RGS7: variants seen among roughly 807,000 people sequenced by gnomAD.
RGS7 encodes regulator of G-protein signaling 7.
A neutral mutation model predicts 81.1 loss-of-function variants in RGS7; 27 were observed. The ratio of observed to expected loss-of-function variants is 0.33; its 90% confidence interval spans 0.25 to 0.46. The LOEUF is 0.46. Ranked by LOEUF, RGS7 falls within the 20% of genes least tolerant of loss-of-function variation. RGS7 has a pLI of 1.00. For missense variants in RGS7, 396 were observed against 607.4 expected (o/e 0.65, Z 3.66); for synonymous variants, 208 against 207.7 (o/e 1.00, Z -0.01).
At chr1:240,942,254 A>G (rs1677716119) in intron 4 of RGS7, among the ~76,000 whole-genome samples, 1 of 152,204 alleles carries the variant, frequency 6.6e-6, no homozygotes, top group Non-Finnish European at 1.5e-5. Context: ...AGTATAAAAG[A>G]GGCTTGTGGA....
At chr1:240,949,493 C>A (rs1373008421) in intron 4 of RGS7, among the ~76,000 whole-genome samples, 2 of 152,124 alleles carry the variant, frequency 1.3e-5, no homozygotes, top group African/African-American at 4.8e-5. Flanking sequence ...GTGAAGGTGA[C>A]ACTCTCCCTC....
intron 2 of RGS7, among the ~76,000 whole-genome samples, chr1:241,263,210 G>A (rs1027490910): frequency 1.3e-5 from 2 of 152,182 alleles, no homozygotes; most frequent in African/African-American, 4.8e-5. Context: ...CCGGAAGGTA[G>A]AGGTTGCAGT....
chr1:241,315,596 G>A (rs1195445614), intron 2 of RGS7, among the ~76,000 whole-genome samples: 2 of 152,084 alleles, frequency 1.3e-5, no homozygotes, highest in Non-Finnish European at 2.9e-5. Context: ...AACAATTTTT[G>A]TGAAGTCTCT....
chr1:240,985,309 C>T (rs755604325), intron 3 of RGS7, among the ~76,000 whole-genome samples: 7 of 152,200 alleles, frequency 4.6e-5, no homozygotes, highest in Non-Finnish European at 7.3e-5. Flanking sequence ...GGAAATTTTC[C>T]ATTCTTTTGA....
intron 2 of RGS7, among the ~76,000 whole-genome samples, chr1:241,302,866 T>TTTTCTTTC (rs35027277): frequency 5.8e-4 from 87 of 151,254 alleles, no homozygotes; most frequent in Middle Eastern, 3.4e-3. Flanking sequence ...ACAGGCATTC[T>TTTTCTTTC]TTTCTTTCTT....
intron 4 of RGS7, among the ~76,000 whole-genome samples, chr1:240,974,075 T>C (rs1328018180): frequency 6.6e-6 from 1 of 152,194 alleles, no homozygotes; most frequent in Non-Finnish European, 1.5e-5. Context: ...ACAGACTCTA[T>C]AATGGTGTGC....
chr1:241,328,136 T>G (rs556546594), intron 2 of RGS7, among the ~76,000 whole-genome samples: 25 of 152,330 alleles, frequency 1.6e-4, no homozygotes, highest in African/African-American at 4.3e-4. Context: ...TAGAGGTGGA[T>G]GCTCTTAAGG....
At chr1:240,787,240 A>C (rs1477125401) in intron 18 of RGS7, among the ~76,000 whole-genome samples, 1 of 152,100 alleles carries the variant, frequency 6.6e-6, no homozygotes, top group African/African-American at 2.4e-5. Context: ...TCTTTTGTTA[A>C]AATTGCCTAA....
At chr1:240,800,017 T>C (rs1234692008) in intron 18 of RGS7, among the ~76,000 whole-genome samples, 1 of 152,228 alleles carries the variant, frequency 6.6e-6, no homozygotes, top group African/African-American at 2.4e-5. Flanking sequence ...TTTTAAATTA[T>C]ATCACAGAAA....
At chr1:240,951,613 A>T (rs374021251) in intron 4 of RGS7, among the ~76,000 whole-genome samples, 1 of 152,184 alleles carries the variant, frequency 6.6e-6, no homozygotes, top group Non-Finnish European at 1.5e-5. Context: ...AAAAATAACA[A>T]GGAAAACAAA....
At chr1:240,788,800 C>T (rs1021066660) in intron 18 of RGS7, among the ~76,000 whole-genome samples, 5 of 152,100 alleles carry the variant, frequency 3.3e-5, no homozygotes, top group African/African-American at 1.2e-4. Context: ...TTGCCAAGCC[C>T]CTGGTGATTT....
rs534877000 is a variant in RGS7, at chr1:241,164,021, C to G, written c.79-65259G>C. 2.6e-5 allele frequency among the ~76,000 whole-genome samples: 4 copies of G among 152,254 alleles called. No individual in the cohort carries two copies. Among genetic ancestry groups the G allele is most frequent in the African/African-American group, 7.2e-5 (3 of 41,554 alleles). ...TATTTCACCTGTGCTTCTGACAGAC[C>G]AGCTGGAAATTAGAGATCCCATGAT... On this transcript the variant is annotated intron_variant, in intron 2 of 18. Coordinates refer to ENST00000440928, the MANE Select transcript of RGS7 (RefSeq NM_001364886.1). This position sits in a 1 kb window ranked among gnomAD's most constrained non-coding sequence, Gnocchi z 4.1.
intron 2 of RGS7, among the ~76,000 whole-genome samples, chr1:241,135,877 A>AT (rs142906016): frequency 1.3e-5 from 2 of 151,130 alleles, no homozygotes; most frequent in African/African-American, 4.9e-5. Context: ...GGTTCAAGCA[A>AT]TTGTCCTGCC....
intron 4 of RGS7, among the ~76,000 whole-genome samples, chr1:240,942,028 G>A (rs913079548): frequency 2.2e-4 from 33 of 152,176 alleles, no homozygotes; most frequent in Non-Finnish European, 4.1e-4. Context: ...TTCAAGCCAT[G>A]AGCAAGCTGA....
intron 3 of RGS7, among the ~76,000 whole-genome samples, chr1:241,098,015 T>C (rs2064406811): frequency 1.3e-5 from 2 of 152,230 alleles, no homozygotes; most frequent in South Asian, 4.1e-4. Flanking sequence ...AACCTGTTCC[T>C]GCAACAGCCT....
chr1:240,841,629 A>G (rs1369804364), intron 9 of RGS7, among the ~76,000 whole-genome samples: 1 of 152,210 alleles, frequency 6.6e-6, no homozygotes, highest in African/African-American at 2.4e-5. Context: ...AACTATATAG[A>G]TTAGTCACTA....
intron 4 of RGS7, among the ~76,000 whole-genome samples, chr1:240,971,830 C>T (rs906519884): frequency 6.6e-6 from 1 of 152,092 alleles, no homozygotes; most frequent in African/African-American, 2.4e-5. Flanking sequence ...TATTGATCTC[C>T]TATGGACATG....
intron 18 of RGS7, among the ~76,000 whole-genome samples, chr1:240,798,510 G>A (rs1421839422): frequency 6.6e-6 from 1 of 152,134 alleles, no homozygotes; most frequent in Admixed American, 6.5e-5. Context: ...TTTGTCAGTT[G>A]GGAGAATGTC....
chr1:241,088,230 A>T (rs577815010), intron 3 of RGS7, among the ~76,000 whole-genome samples: 1 of 151,914 alleles, frequency 6.6e-6, no homozygotes, highest in South Asian at 2.1e-4. Context: ...TCACCTCTAT[A>T]ACTAGAATCA....
Sources: gnomAD v4.1 joint callset for allele counts (sites outside exome capture counted in the v4.1 genomes callset) on GRCh38, gnomAD v4.1.1 for gene constraint, Gnocchi (gnomAD v3.1) non-coding constraint, MANE v1.5 for transcripts, NCBI Gene and HGNC (gene_info 2026-07-23, HGNC 2026-07-21) for gene names.